Variants in MAST2 observed in about 807,000 individuals in gnomAD.
MAST2 encodes the protein microtubule associated serine/threonine kinase 2.
MAST2 carries 70 observed loss-of-function variants against 147.4 expected under a neutral mutation model. The observed-to-expected ratio is 0.47, with a 90% CI of 0.39 to 0.58. The LOEUF (loss-of-function observed/expected upper bound fraction) is 0.58, where lower values mean the gene tolerates loss of function less well. Ranked by LOEUF, MAST2 falls within the 20% of genes least tolerant of loss-of-function variation. The probability of loss-of-function intolerance (pLI) is 0.00; values close to 1 mark genes in which losing one functional copy is unlikely to be tolerated. For synonymous variants in MAST2, 869 were observed against 896.8 expected, an observed-to-expected ratio of 0.97 and a Z score of 0.55; for missense variants, 2,080 against 2,302.3, an observed-to-expected ratio of 0.90 and a Z score of 1.98.
chr1:45,877,984 A>G (rs1646677718), intron 3 of MAST2, among the ~76,000 whole-genome samples: 1 of 152,158 alleles, frequency 6.6e-6, no homozygotes, highest in South Asian at 2.1e-4. Flanking sequence ...CGGGTGGATC[A>G]CCTGAGGTCA....
In MAST2 at chr1:46,033,918, C is replaced by T. The variant is rs370970616; in HGVS notation, c.3654C>T (p.Arg1218=). 55 of 1,614,006 alleles carry T rather than the reference C, an allele frequency of 3.4e-5. No individual in the cohort carries two copies. The highest frequency in any genetic ancestry group is 4.3e-5 in the Non-Finnish European group (51 of 1,180,002). Residue 1218 remains arginine (R), a synonymous_variant, in exon 27 of 29, where the codon CGC becomes CGT. Coordinates refer to ENST00000361297, the MANE Select transcript of MAST2 (RefSeq NM_015112.3). ...AKMARRSKRS[R]GKDGQESRKR... is the part of the protein sequence containing the mutation. The stretch of plus-strand genomic sequence containing the variant: ...TGGCCCGAAGGAGCAAGAGGAGCCG[C>T]GGCAAGGATGGGCAAGAAAGGTGAG...
At chr1:45,848,540 C>G in intron 3 of MAST2, among the ~76,000 whole-genome samples, 1 of 152,168 alleles carries the variant, frequency 6.6e-6, no homozygotes, top group East Asian at 1.9e-4. Flanking sequence ...TGTGACTTCA[C>G]TGGGAGCGAA....
At chr1:45,824,082 T>C (rs1042415095) in intron 1 of MAST2, among the ~76,000 whole-genome samples, 1 of 152,198 alleles carries the variant, frequency 6.6e-6, no homozygotes, top group Admixed American at 6.5e-5. Context: ...TAAACTAAAA[T>C]ATGCTTTTCT....
At chr1:45,937,042 CTT>C (rs34638611) in intron 4 of MAST2, among the ~76,000 whole-genome samples, 91 of 136,028 alleles carry the variant, frequency 6.7e-4, no homozygotes, top group East Asian at 8.5e-4. Flanking sequence ...CATGCCTGGG[CTT>C]TTTTTTTTTT....
chr1:45,908,677 G>A (rs1296970989), intron 4 of MAST2, among the ~76,000 whole-genome samples: 1 of 152,090 alleles, frequency 6.6e-6, no homozygotes, highest in Admixed American at 6.5e-5. Flanking sequence ...AATTTCTTGA[G>A]ACTTTTTTTA....
chr1:46,012,824 A>G (rs12047120), intron 10 of MAST2, among the ~76,000 whole-genome samples: 120,667 of 151,534 alleles, frequency 0.8, 48,506 homozygotes, highest in East Asian at 0.98. Context: ...GTGAGACCCC[A>G]TCTCTACACT....
At chr1:45,984,183 T>A (rs1313980758) in intron 5 of MAST2, among the ~76,000 whole-genome samples, 1 of 152,172 alleles carries the variant, frequency 6.6e-6, no homozygotes, top group Non-Finnish European at 1.5e-5. Flanking sequence ...AGATAAAAAT[T>A]TATCATCCCT....
intron 3 of MAST2, among the ~76,000 whole-genome samples, chr1:45,862,456 TA>T (rs1646012183): frequency 6.6e-6 from 1 of 151,846 alleles, no homozygotes; most frequent in Admixed American, 6.6e-5. Context: ...AGACGTTTTT[TA>T]CTTAATTTTT....
chr1:45,969,509 T>C (rs958745808), intron 5 of MAST2, among the ~76,000 whole-genome samples: 3 of 152,162 alleles, frequency 2.0e-5, no homozygotes, highest in African/African-American at 4.8e-5. Flanking sequence ...CTCTGCCTCC[T>C]GTCAGATCAG....
chr1:45,958,748 A>G (rs1267834498), intron 4 of MAST2, among the ~76,000 whole-genome samples: 1 of 152,186 alleles, frequency 6.6e-6, no homozygotes, highest in African/African-American at 2.4e-5. Flanking sequence ...CCTTCAAAAG[A>G]TAGACTGACT....
chr1:45,975,573 TGGGA>T (rs1644113179), intron 5 of MAST2, among the ~76,000 whole-genome samples: 1 of 120,386 alleles, frequency 8.3e-6, no homozygotes, highest in South Asian at 2.8e-4. Context: ...TAGGCTGAGG[TGGGA>T]GGGAGGATCG....
chr1:45,951,176 G>T (rs1028863344), intron 4 of MAST2, among the ~76,000 whole-genome samples: 2 of 152,060 alleles, frequency 1.3e-5, no homozygotes, highest in Non-Finnish European at 2.9e-5. Flanking sequence ...AACTGTGATT[G>T]TGCCATTGCA....
At position 46,031,433 on chromosome 1, in the gene MAST2, G is replaced by A; in HGVS notation, c.3035G>A (p.Gly1012Glu). Residue 1012 changes from glycine (G) to glutamate (E), a missense_variant, in exon 24 of 29, where the codon GGA (glycine) becomes GAA (glutamate). Transcript: ENST00000361297. This position sits in a 1 kb window ranked among gnomAD's most constrained non-coding sequence, Gnocchi z 4.1. The part of the protein sequence containing the change: ...RGRGTSQLAE[G>E]ATAKAISDLA... Reference sequence around the variant, plus strand: ...CGTGGGACCTCACAGCTGGCTGAGGGAGCCACAGCCAAGGCCATCAGTGAC... The same window carrying A: ...CGTGGGACCTCACAGCTGGCTGAGGAAGCCACAGCCAAGGCCATCAGTGAC... The A allele has an allele frequency of 6.2e-7, 1 of 1,614,014 alleles. No homozygotes were observed. Among genetic ancestry groups the A allele is most frequent in the South Asian group, 1.1e-5 (1 of 91,078 alleles).
rs376106533 is a variant in MAST2, at chr1:46,034,309, T to C, written c.3868+43T>C. The C allele has an allele frequency of 1.9e-4, 292 of 1,567,474 alleles. 1 individual carries two copies. The African/African-American group carries it at 2.8e-3, about 15-fold the overall frequency. On this transcript the variant is annotated intron_variant, in intron 28 of 28. Transcript: ENST00000361297. Reference sequence around the variant, plus strand: ...CAGATCAGTGACAACCCCTGGGAAATAGGAAAGTTCCTAGGCCCTGTGTGC... The same window carrying C: ...CAGATCAGTGACAACCCCTGGGAAACAGGAAAGTTCCTAGGCCCTGTGTGC...
chr1:45,838,157 C>T (rs965882026), intron 3 of MAST2, among the ~76,000 whole-genome samples: 8 of 150,016 alleles, frequency 5.3e-5, no homozygotes, highest in African/African-American at 1.7e-4. Context: ...TTGCATTTCT[C>T]TAATGACTAA....
intron 5 of MAST2, among the ~76,000 whole-genome samples, chr1:45,992,692 G>C (rs1033809101): frequency 6.6e-6 from 1 of 152,106 alleles, no homozygotes; most frequent in Admixed American, 6.5e-5. Context: ...ATTAGCTATT[G>C]ACTCAGTTTC....
intron 4 of MAST2, among the ~76,000 whole-genome samples, chr1:45,951,240 C>G (rs1658885170): frequency 6.6e-6 from 1 of 151,760 alleles, no homozygotes; most frequent in African/African-American, 2.4e-5. Context: ...AACAAAGTAA[C>G]ATTAGAGATT....
chr1:46,010,674 G>C (rs1645676286), intron 9 of MAST2, 56 bp from the exon 10 acceptor site: 4 of 1,534,204 alleles, frequency 2.6e-6, no homozygotes, highest in Admixed American at 1.7e-5. Flanking sequence ...TTCAGGCTTA[G>C]CTCCAACTGA....
intron 4 of MAST2, among the ~76,000 whole-genome samples, chr1:45,935,398 A>T (rs1360283339): frequency 6.6e-6 from 1 of 152,084 alleles, no homozygotes; most frequent in Non-Finnish European, 1.5e-5. Context: ...CTTTAGTCTA[A>T]TTAGGTCCCA....
Sources: allele counts gnomAD v4.1 joint callset (sites outside exome capture counted in the v4.1 genomes callset), GRCh38; gene constraint gnomAD v4.1.1; non-coding constraint Gnocchi (gnomAD v3.1); transcripts MANE v1.5; gene names NCBI Gene and HGNC (gene_info 2026-07-23, HGNC 2026-07-21).